CNTN1: variants seen among roughly 807,000 people sequenced by gnomAD.
CNTN1 encodes the protein contactin 1.
A neutral mutation model predicts 126.4 loss-of-function variants in CNTN1; 38 were observed. The ratio of observed to expected loss-of-function variants is 0.30; its 90% CI spans 0.23 to 0.39. The LOEUF is 0.39. Among genes scored for constraint, CNTN1 ranks in the 10% least tolerant of loss-of-function variants. The pLI, the probability that CNTN1 is intolerant of heterozygous loss-of-function variation, is 1.00. For missense variants in CNTN1, 1,009 were observed against 1,248.4 expected, an observed-to-expected ratio of 0.81 and a Z score of 2.89; for synonymous variants, 413 against 422.6, an observed-to-expected ratio of 0.98 and a Z score of 0.28.
At chr12:40,865,556 G>T (rs1317942619) in intron 1 of CNTN1, among the ~76,000 whole-genome samples, 1 of 151,662 alleles carries the variant, frequency 6.6e-6, no homozygotes, top group Non-Finnish European at 1.5e-5. Context: ...TATTTTTTTT[G>T]TATTTGAATA....
intron 23 of CNTN1, among the ~76,000 whole-genome samples, chr12:41,042,969 C>A (rs1949451542): frequency 6.6e-6 from 1 of 152,152 alleles, no homozygotes; most frequent in South Asian, 2.1e-4. Flanking sequence ...GAAACTGGAT[C>A]CCTTCTTTAC....
At chr12:41,061,542 G>A (rs991178095) in intron 23 of CNTN1, among the ~76,000 whole-genome samples, 16 of 152,284 alleles carry the variant, frequency 1.1e-4, no homozygotes, top group South Asian at 1.0e-3. Flanking sequence ...AAAACCCACC[G>A]AAGCCACTAG....
In CNTN1 at chr12:40,773,684, T is replaced by C. The variant is rs1367861946; in HGVS notation, c.-77+81092T>C. Among the ~76,000 whole-genome samples the C allele has an allele frequency of 5.8e-4, 5 of 8,638 alleles. 1 individual carries two copies. Among genetic ancestry groups the C allele is most frequent in the Admixed American group, 1.5e-3 (1 of 680 alleles). The allele number at this position is 8,638 out of a possible 152,430, so 5.7% of individuals were successfully genotyped here. A position where few individuals can be genotyped will look rare whatever the true frequency, so the allele number is the denominator to read the frequency against. ...ATATATATATATATACACATATATA[T>C]ATATATATACACATATATATATATA... On this transcript the variant is annotated intron_variant, in intron 1 of 23. Coordinates refer to ENST00000551295, the MANE Select transcript of CNTN1 (RefSeq NM_001843.4).
intron 1 of CNTN1, among the ~76,000 whole-genome samples, chr12:40,725,583 T>C (rs1477122422): frequency 1.3e-5 from 2 of 152,076 alleles, no homozygotes; most frequent in Non-Finnish European, 2.9e-5. Flanking sequence ...TGAAATATAA[T>C]CATTAAGGAA....
At chr12:40,745,170 A>G (rs1938129514) in intron 1 of CNTN1, among the ~76,000 whole-genome samples, 1 of 152,164 alleles carries the variant, frequency 6.6e-6, no homozygotes, top group Non-Finnish European at 1.5e-5. Flanking sequence ...TATCTTCAGA[A>G]CTAAAATGAC....
intron 15 of CNTN1, among the ~76,000 whole-genome samples, chr12:40,978,479 T>C (rs1160015652): frequency 2.6e-5 from 4 of 152,124 alleles, no homozygotes; most frequent in Admixed American, 6.6e-5. Context: ...ATGAAGACTG[T>C]ATTGTGGATG....
intron 14 of CNTN1, among the ~76,000 whole-genome samples, chr12:40,950,213 G>A (rs1049646284): frequency 6.6e-6 from 1 of 150,768 alleles, no homozygotes; most frequent in African/African-American, 2.4e-5. Context: ...GTATTATCTG[G>A]CCCAAATTAT....
rs538243746 is a variant in CNTN1 at position 40,933,332 on chromosome 12, A to G, written c.704-129A>G. 1.1e-5 allele frequency: 8 copies of G among 716,434 alleles called. No individual in the cohort carries two copies. The Admixed American group carries it at 1.2e-4, about 10-fold the overall frequency. The allele number at this position is 716,434 out of a possible 1,614,324, so 44.4% of individuals were successfully genotyped here. On this transcript the variant is annotated intron_variant, in intron 7 of 23. Transcript: ENST00000551295. ...AACAAACAAGTCTATCCATTATGAT[A>G]TGACCTGTACCTGTACAGAGAAAAG...
At chr12:40,827,779 T>C (rs1233459086) in intron 1 of CNTN1, among the ~76,000 whole-genome samples, 1 of 152,086 alleles carries the variant, frequency 6.6e-6, no homozygotes, top group African/African-American at 2.4e-5. Context: ...AAACCAATCG[T>C]GGAGCTCCAA....
At chr12:40,701,857 G>A (rs1435897109) in intron 1 of CNTN1, among the ~76,000 whole-genome samples, 2 of 152,018 alleles carry the variant, frequency 1.3e-5, no homozygotes, top group African/African-American at 4.8e-5. Context: ...ATTAAAGAAT[G>A]GCAGACATAC....
intron 17 of CNTN1, among the ~76,000 whole-genome samples, chr12:40,995,383 G>A (rs1195028567): frequency 6.6e-6 from 1 of 152,028 alleles, no homozygotes; most frequent in African/African-American, 2.4e-5. Flanking sequence ...CTAGTCAAAT[G>A]AGCTCAGAGA....
At chr12:40,717,973 T>C (rs1012160297) in intron 1 of CNTN1, among the ~76,000 whole-genome samples, 1 of 152,232 alleles carries the variant, frequency 6.6e-6, no homozygotes, top group South Asian at 2.1e-4. Context: ...TAAATTTTAA[T>C]TGAATGACTT....
chr12:40,965,476 T>G (rs1043154180), intron 15 of CNTN1, among the ~76,000 whole-genome samples: 2 of 152,208 alleles, frequency 1.3e-5, no homozygotes, highest in Non-Finnish European at 2.9e-5. Context: ...TTTTACTAAA[T>G]AGTAAAAGTT....
chr12:41,003,153 G>A (rs761092794), intron 17 of CNTN1, among the ~76,000 whole-genome samples: 2 of 152,086 alleles, frequency 1.3e-5, no homozygotes, highest in Non-Finnish European at 2.9e-5. Context: ...TTTACATGAC[G>A]GGGTGTTGAA....
At chr12:41,010,177 C>G (rs149626047) in intron 17 of CNTN1, among the ~76,000 whole-genome samples, 1 of 152,218 alleles carries the variant, frequency 6.6e-6, no homozygotes, top group Non-Finnish European at 1.5e-5. Flanking sequence ...CAGAATCACC[C>G]AGGGCTCCTG....
At chr12:40,901,785 C>T (rs1944617446) in intron 1 of CNTN1, among the ~76,000 whole-genome samples, 1 of 152,170 alleles carries the variant, frequency 6.6e-6, no homozygotes, top group Non-Finnish European at 1.5e-5. Flanking sequence ...TGTGTGTGTA[C>T]TGTATTCCTT....
intron 1 of CNTN1, among the ~76,000 whole-genome samples, chr12:40,864,019 CTTT>C (rs71434336): frequency 8.2e-4 from 76 of 92,574 alleles, no homozygotes; most frequent in East Asian, 3.2e-3. Flanking sequence ...CTCTGCTTTC[CTTT>C]TTTTTTTTTT....
intron 1 of CNTN1, among the ~76,000 whole-genome samples, chr12:40,702,114 T>C (rs200636253): frequency 4.8e-4 from 61 of 127,868 alleles, no homozygotes; most frequent in Admixed American, 2.6e-3. Context: ...TTTTTTTTTT[T>C]CCCTAGAGAC....
At chr12:40,877,988 CTT>C (rs199626249) in intron 1 of CNTN1, among the ~76,000 whole-genome samples, 19 of 109,342 alleles carry the variant, frequency 1.7e-4, no homozygotes, top group African/African-American at 5.5e-4. Flanking sequence ...CAGTTTTTTC[CTT>C]TTTTTTTTTT....
Sources: allele counts gnomAD v4.1 joint callset (sites outside exome capture counted in the v4.1 genomes callset), GRCh38; gene constraint gnomAD v4.1.1; transcripts MANE v1.5; gene names NCBI Gene and HGNC (gene_info 2026-07-23, HGNC 2026-07-21).